The following ARHGEF9 variants were observed in gnomAD, a reference collection of about 807,000 sequenced individuals.
ARHGEF9 encodes Cdc42 guanine nucleotide exchange factor 9.
A neutral mutation model predicts 41.3 loss-of-function variants in ARHGEF9; 2 were observed. The ratio of observed to expected loss-of-function variants is 0.05; its 90% CI spans 0.02 to 0.15. The LOEUF (loss-of-function observed/expected upper bound fraction) is 0.15, where lower values mean the gene tolerates loss of function less well. Among genes scored for constraint, ARHGEF9 ranks in the 10% least tolerant of loss-of-function variants. The pLI is 1.00. For synonymous variants in ARHGEF9, 160 were observed against 154.4 expected (o/e 1.04, Z -0.27); for missense variants, 225 against 424.7 (o/e 0.53, Z 4.13).
At chrX:63,694,753 G>A (rs1413957360) in intron 4 of ARHGEF9, among the ~76,000 whole-genome samples, 10 of 111,660 alleles carry the variant, frequency 9.0e-5, no homozygotes, top group African/African-American at 3.3e-4. Context: ...TTATAGAAAT[G>A]TCCTATATTT....
intron 8 of ARHGEF9, among the ~76,000 whole-genome samples, chrX:63,650,086 A>T (rs1284741256): frequency 9.0e-6 from 1 of 111,540 alleles, no homozygotes; most frequent in Non-Finnish European, 1.9e-5. Flanking sequence ...ACCAAATGTA[A>T]ATTAGTACAG....
chrX:63,763,348 T>G (rs1200612164), intron 1 of ARHGEF9, among the ~76,000 whole-genome samples: 28 of 111,403 alleles, frequency 2.5e-4, no homozygotes, highest in African/African-American at 8.8e-4. Context: ...ATTTTTATAG[T>G]TTGATTTTTT....
At chrX:63,652,977 T>C (rs782388140) in intron 8 of ARHGEF9, among the ~76,000 whole-genome samples, 20 of 111,593 alleles carry the variant, frequency 1.8e-4, no homozygotes, top group Non-Finnish European at 3.2e-4. Flanking sequence ...CCTTCTACTA[T>C]GATTCTAAAT....
At chrX:63,694,687 G>T (rs1378475925) in intron 4 of ARHGEF9, among the ~76,000 whole-genome samples, 2 of 112,123 alleles carry the variant, frequency 1.8e-5, no homozygotes, top group Non-Finnish European at 3.8e-5. Context: ...TTTGCCAGTA[G>T]CCAGGAGTAG....
intron 4 of ARHGEF9, among the ~76,000 whole-genome samples, chrX:63,679,982 T>C (rs2050512646): frequency 8.9e-6 from 1 of 112,492 alleles, no homozygotes; most frequent in Non-Finnish European, 1.9e-5. Flanking sequence ...TTAGTGAATT[T>C]GGTTATGTGT....
chrX:63,701,523 C>G (rs1556395707), intron 3 of ARHGEF9: 1 of 111,874 alleles, frequency 8.9e-6, no homozygotes, highest in African/African-American at 3.3e-5. Flanking sequence ...TATTTGTCAA[C>G]TAAATGCTAA....
intron 1 of ARHGEF9, among the ~76,000 whole-genome samples, chrX:63,753,145 T>C (rs1339141607): frequency 6.2e-5 from 7 of 112,055 alleles, no homozygotes; most frequent in Admixed American, 2.8e-4. Flanking sequence ...GCAATAGCAA[T>C]AACAACAGAA....
intron 4 of ARHGEF9, among the ~76,000 whole-genome samples, chrX:63,694,897 T>G (rs1556385962): frequency 8.9e-6 from 1 of 112,285 alleles, no homozygotes; most frequent in Non-Finnish European, 1.9e-5. Flanking sequence ...AATGAAATTC[T>G]AGAACTAATA....
intron 2 of ARHGEF9, 30 bp downstream of exon 2, chrX:63,724,502 T>C: frequency 8.3e-7 from 1 of 1,202,668 alleles, no homozygotes; most frequent in South Asian, 1.8e-5. Context: ...GCCAAGGAAA[T>C]AGGAGAGGAG....
At chrX:63,746,906 G>A (rs1344487122) in intron 1 of ARHGEF9, among the ~76,000 whole-genome samples, 6 of 111,685 alleles carry the variant, frequency 5.4e-5, no homozygotes, top group South Asian at 3.8e-4. Flanking sequence ...CAGCCAATGC[G>A]TGTTCATACA....
chrX:63,712,098 T>C (rs1357337555), intron 2 of ARHGEF9, among the ~76,000 whole-genome samples: 1 of 112,043 alleles, frequency 8.9e-6, no homozygotes, highest in East Asian at 2.8e-4. Flanking sequence ...CTAGAATGGC[T>C]GTAATAATTT....
At chrX:63,710,364 T>C (rs1460976770) in intron 2 of ARHGEF9, among the ~76,000 whole-genome samples, 1 of 105,770 alleles carries the variant, frequency 9.5e-6, no homozygotes, top group Non-Finnish European at 1.9e-5. Flanking sequence ...ACCAAACATT[T>C]AAAAAATAAC....
rs782362648 is a variant in ARHGEF9 at position 63,674,068 on chromosome X, A to G, written c.915T>C (p.Ala305=). The change falls in exon 6 of 10, where the codon GCT becomes GCC. Residue 305 remains alanine (A), a synonymous_variant. Transcript: ENST00000671741. The part of the protein sequence containing the change: ...KRRLENIDKI[A]QWQASVLDWE... ...AGTCTAGGACAGAAGCCTGCCACTG[A>G]GCAATCTTGTCAATATTCTCTAAAC... 1 of 1,211,243 alleles carries G rather than the reference A, an allele frequency of 8.3e-7. No homozygotes were observed. Among genetic ancestry groups the G allele is most frequent in the Non-Finnish European group, 1.1e-6 (1 of 895,137 alleles).
intron 8 of ARHGEF9, among the ~76,000 whole-genome samples, chrX:63,646,610 T>C (rs1368395396): frequency 6.2e-5 from 7 of 112,028 alleles, no homozygotes; most frequent in African/African-American, 1.9e-4. Context: ...GGTACCACTA[T>C]CATGCTGTTT....
chrX:63,778,968 T>G (rs1232073130), intron 1 of ARHGEF9, among the ~76,000 whole-genome samples: 1 of 112,233 alleles, frequency 8.9e-6, no homozygotes, highest in African/African-American at 3.2e-5. Flanking sequence ...TGAAAGTACC[T>G]ATAAAAAGGC....
At chrX:63,785,094 A>G in intron 1 of ARHGEF9, 22 bp downstream of exon 1, 1 of 1,164,144 alleles carries the variant, frequency 8.6e-7, no homozygotes, top group Non-Finnish European at 1.1e-6. Context: ...AAGCAAGGGA[A>G]GCCAAGGTTA....
chrX:63,715,142 T>G (rs2053214051), intron 2 of ARHGEF9, among the ~76,000 whole-genome samples: 1 of 112,159 alleles, frequency 8.9e-6, no homozygotes, highest in Admixed American at 9.4e-5. Flanking sequence ...CCCCTAAGTC[T>G]TCTCCTTTCA....
chrX:63,721,307 G>A (rs2053620764), intron 2 of ARHGEF9, among the ~76,000 whole-genome samples: 2 of 111,528 alleles, frequency 1.8e-5, no homozygotes, highest in Non-Finnish European at 3.8e-5. Flanking sequence ...GGTAATGATT[G>A]GCTTAGGTGA....
chrX:63,724,846 A>G, intron 1 of ARHGEF9, 135 bp from the exon 2 acceptor site: 1 of 606,574 alleles, frequency 1.6e-6, no homozygotes. Context: ...GGGGGATGGC[A>G]CTGGAACAAA....
Sources: gnomAD v4.1 joint callset for allele counts (sites outside exome capture counted in the v4.1 genomes callset) on GRCh38, gnomAD v4.1.1 for gene constraint, MANE v1.5 for transcripts, NCBI Gene and HGNC (gene_info 2026-07-23, HGNC 2026-07-21) for gene names.